TCF12: variants seen among roughly 807,000 people sequenced by gnomAD.
TCF12 encodes the protein transcription factor 12, also known as DNA-binding protein HTF4.
A neutral mutation model predicts 86.0 loss-of-function variants in TCF12; 45 were observed. The ratio of observed to expected loss-of-function variants is 0.52; its 90% confidence interval spans 0.41 to 0.67. The LOEUF is 0.67. Among genes scored for constraint, TCF12 ranks in the 30% least tolerant of loss-of-function variants. The probability of loss-of-function intolerance (pLI) is 0.00; values close to 1 mark genes in which losing one functional copy is unlikely to be tolerated. For missense variants in TCF12, 881 were observed against 859.9 expected (o/e 1.02, Z -0.31); for synonymous variants, 330 against 299.6 (o/e 1.10, Z -1.05).
chr15:57,142,169 A>T (rs2053016591), intron 5 of TCF12, among the ~76,000 whole-genome samples: 1 of 152,212 alleles, frequency 6.6e-6, no homozygotes, highest in African/African-American at 2.4e-5. Flanking sequence ...TTGATTAAAT[A>T]TGTAAACATA....
At chr15:57,104,379 C>T (rs375101152) in intron 5 of TCF12, among the ~76,000 whole-genome samples, 2 of 150,010 alleles carry the variant, frequency 1.3e-5, no homozygotes, top group Non-Finnish European at 2.9e-5. Context: ...ATACTAAGCA[C>T]GTTGATTCTT....
At chr15:57,244,181 C>A (rs930324920) in intron 13 of TCF12, among the ~76,000 whole-genome samples, 3 of 151,854 alleles carry the variant, frequency 2.0e-5, no homozygotes, top group African/African-American at 7.3e-5. Flanking sequence ...ACCTACCCCC[C>A]AAAAAATGGT....
intron 3 of TCF12, among the ~76,000 whole-genome samples, chr15:56,992,716 A>G (rs1212164132): frequency 6.6e-6 from 1 of 152,222 alleles, no homozygotes; most frequent in East Asian, 1.9e-4. Flanking sequence ...TAGCCAAAAC[A>G]TGATTGGATT....
intron 3 of TCF12, among the ~76,000 whole-genome samples, chr15:56,949,864 G>A (rs988465624): frequency 1.3e-5 from 2 of 152,170 alleles, no homozygotes; most frequent in African/African-American, 4.8e-5. Flanking sequence ...GAGAATTGGT[G>A]CATGTTTTGC....
At chr15:57,198,020 T>C (rs1316819449) in intron 8 of TCF12, among the ~76,000 whole-genome samples, 195 bp downstream of exon 8, 2 of 152,218 alleles carry the variant, frequency 1.3e-5, no homozygotes, top group Admixed American at 1.3e-4. Flanking sequence ...TGCAATGATT[T>C]GTAGCTTACT....
intron 5 of TCF12, among the ~76,000 whole-genome samples, chr15:57,150,271 C>T (rs2053646057): frequency 6.6e-6 from 1 of 152,124 alleles, no homozygotes. Flanking sequence ...CATGTACATG[C>T]ATGTATATGC....
chr15:57,052,154 A>G (rs1192494843), intron 3 of TCF12, among the ~76,000 whole-genome samples: 4 of 152,254 alleles, frequency 2.6e-5, no homozygotes, highest in African/African-American at 2.4e-5. Context: ...ACTCATACAT[A>G]TAACAAATTT....
chr15:57,124,770 C>T (rs538687371), intron 5 of TCF12, among the ~76,000 whole-genome samples: 9 of 152,120 alleles, frequency 5.9e-5, no homozygotes, highest in Admixed American at 4.6e-4. Context: ...CTCCGTCTCC[C>T]GGGTTCACGC....
chr15:57,080,103 A>G (rs1240231340), intron 4 of TCF12, among the ~76,000 whole-genome samples: 1 of 152,252 alleles, frequency 6.6e-6, no homozygotes, highest in Admixed American at 6.5e-5. Context: ...TAGTTACTTC[A>G]GTAAGCTGCT....
intron 3 of TCF12, among the ~76,000 whole-genome samples, chr15:57,056,552 G>A (rs1289128520): frequency 2.0e-5 from 3 of 152,048 alleles, no homozygotes; most frequent in East Asian, 1.9e-4. Context: ...ACTGCTTCCC[G>A]GGCTCCAATC....
In TCF12 at chr15:57,276,912, C is replaced by G. The variant is rs577423375; in HGVS notation, c.1978+3650C>G. Among the ~76,000 whole-genome samples the G allele has an allele frequency of 2.5e-3, 366 of 147,580 alleles. 3 individuals are homozygous for G. Among genetic ancestry groups the G allele is most frequent in the Middle Eastern group, 0.014 (4 of 282 alleles). ...CTCTGCCTCCTGAGTTCAAGCGATT[C>G]TCCTGCCTCTGCCTCCTCCATAGCT... On this transcript the variant is annotated intron_variant, in intron 19 of 20. Coordinates refer to ENST00000333725, the MANE Select transcript of TCF12 (RefSeq NM_207037.2).
At chr15:57,033,474 A>G (rs1363457237) in intron 3 of TCF12, among the ~76,000 whole-genome samples, 1 of 152,154 alleles carries the variant, frequency 6.6e-6, no homozygotes, top group Non-Finnish European at 1.5e-5. Flanking sequence ...GTAATGGCAA[A>G]TGTTTTCCCC....
At chr15:57,129,019 G>A (rs1036962602) in intron 5 of TCF12, among the ~76,000 whole-genome samples, 15 of 152,100 alleles carry the variant, frequency 9.9e-5, no homozygotes, top group African/African-American at 2.7e-4. Context: ...TTGTATGGAC[G>A]TATTTTCAGT....
intron 4 of TCF12, among the ~76,000 whole-genome samples, chr15:57,086,126 A>T (rs1381358222): frequency 6.6e-6 from 1 of 151,596 alleles, no homozygotes; most frequent in South Asian, 2.1e-4. Context: ...CATTCTGAGG[A>T]TGTCATTGTT....
intron 12 of TCF12, among the ~76,000 whole-genome samples, chr15:57,241,283 G>C (rs2059616698): frequency 6.6e-6 from 1 of 151,822 alleles, no homozygotes; most frequent in Admixed American, 6.6e-5. Flanking sequence ...GTAGAGACGG[G>C]GTTTCAGCAT....
intron 12 of TCF12, among the ~76,000 whole-genome samples, chr15:57,238,550 T>G (rs1221534985): frequency 6.6e-6 from 1 of 152,242 alleles, no homozygotes; most frequent in Non-Finnish European, 1.5e-5. Flanking sequence ...TGAAATTAAG[T>G]CATATTTATA....
chr15:57,040,327 T>A (rs2066814617), intron 3 of TCF12, among the ~76,000 whole-genome samples: 1 of 152,240 alleles, frequency 6.6e-6, no homozygotes, highest in Non-Finnish European at 1.5e-5. Flanking sequence ...TGATGGCTTT[T>A]TATCCTTTAA....
In TCF12 at chr15:57,232,765, A is replaced by G. The variant is rs2059198033; in HGVS notation, c.879A>G (p.Pro293=). ...CAGACATAAACACGAGTCTTCCACC[A>G]ATGTCCAGCTTTCATCGCGGCAGTA... The part of the protein sequence containing the change: ...SPTDINTSLP[P]MSSFHRGSTS... The change falls in exon 11 of 21, where the codon CCA becomes CCG. Residue 293 remains proline, a synonymous_variant. Transcript: ENST00000333725. The G allele has an allele frequency of 2.5e-6, 4 of 1,612,168 alleles. No individual in the cohort carries two copies. Among genetic ancestry groups the G allele is most frequent in the African/African-American group, 1.3e-5 (1 of 74,798 alleles).
At chr15:56,921,805 G>A (rs2059805550) in intron 3 of TCF12, among the ~76,000 whole-genome samples, 1 of 151,832 alleles carries the variant, frequency 6.6e-6, no homozygotes, top group Non-Finnish European at 1.5e-5. Flanking sequence ...AAAATACTGT[G>A]AGAATAAAAC....
Sources: gnomAD v4.1 joint callset for allele counts (sites outside exome capture counted in the v4.1 genomes callset) on GRCh38, gnomAD v4.1.1 for gene constraint, MANE v1.5 for transcripts, NCBI Gene and HGNC (gene_info 2026-07-23, HGNC 2026-07-21) for gene names.